Variants in LRRTM4 observed in about 807,000 individuals in gnomAD.
LRRTM4 encodes the protein leucine rich repeat transmembrane neuronal 4.
A neutral mutation model predicts 47.6 loss-of-function variants in LRRTM4; 25 were observed. That is an observed-to-expected ratio of 0.53 (90% CI 0.38 to 0.73). The LOEUF is 0.73. Among genes scored for constraint, LRRTM4 ranks in the 30% least tolerant of loss-of-function variants. LRRTM4 has a pLI of 0.00. For missense variants in LRRTM4, 638 were observed against 713.4 expected, an observed-to-expected ratio of 0.89 and a Z score of 1.20; for synonymous variants, 311 against 269.5, an observed-to-expected ratio of 1.15 and a Z score of -1.51.
chr2:76,916,163 T>C (rs1269595781), intron 3 of LRRTM4, among the ~76,000 whole-genome samples: 2 of 151,168 alleles, frequency 1.3e-5, no homozygotes, highest in East Asian at 1.9e-4. Context: ...AAGAGAGAGA[T>C]TGTAATACTT....
chr2:76,828,191 C>G (rs1344350021), intron 3 of LRRTM4, among the ~76,000 whole-genome samples: 1 of 151,856 alleles, frequency 6.6e-6, no homozygotes, highest in East Asian at 1.9e-4. Context: ...TAAGTGATTG[C>G]CTGATTGCCT....
At chr2:76,971,841 A>T (rs1373987662) in intron 3 of LRRTM4, among the ~76,000 whole-genome samples, 3 of 152,060 alleles carry the variant, frequency 2.0e-5, no homozygotes, top group Admixed American at 2.0e-4. Context: ...AAATATACGG[A>T]CAAAACATAG....
chr2:77,513,479 T>C (rs1239205609), intron 3 of LRRTM4, among the ~76,000 whole-genome samples: 2 of 152,164 alleles, frequency 1.3e-5, no homozygotes, highest in African/African-American at 4.8e-5. Flanking sequence ...AAAATGGCAA[T>C]ATGTAGTACA....
At chr2:77,428,894 T>G (rs577832938) in intron 3 of LRRTM4, among the ~76,000 whole-genome samples, 1 of 152,366 alleles carries the variant, frequency 6.6e-6, no homozygotes, top group African/African-American at 2.4e-5. Context: ...TTTAAGCACA[T>G]AGTGTGCTGC....
At chr2:76,889,077 A>C (rs1048188923) in intron 3 of LRRTM4, among the ~76,000 whole-genome samples, 1 of 151,512 alleles carries the variant, frequency 6.6e-6, no homozygotes, top group Non-Finnish European at 1.5e-5. Context: ...AAATCTTATC[A>C]AAATTGAGTT....
At chr2:77,039,839 G>A (rs1678964394) in intron 3 of LRRTM4, among the ~76,000 whole-genome samples, 1 of 150,590 alleles carries the variant, frequency 6.6e-6, no homozygotes, top group Non-Finnish European at 1.5e-5. Context: ...CACTCACAAG[G>A]GAGATTATCT....
chr2:76,831,086 T>G (rs987878284), intron 3 of LRRTM4, among the ~76,000 whole-genome samples: 2 of 152,124 alleles, frequency 1.3e-5, no homozygotes, highest in African/African-American at 4.8e-5. Flanking sequence ...TGTTTTAAGG[T>G]GATGCTGCTA....
At chr2:76,870,413 C>A (rs760761157) in intron 3 of LRRTM4, among the ~76,000 whole-genome samples, 6 of 151,990 alleles carry the variant, frequency 3.9e-5, no homozygotes, top group Non-Finnish European at 8.8e-5. Context: ...ATGCCAATTC[C>A]GCCTTGAGAG....
chr2:77,230,786 CA>C (rs1482406272), intron 3 of LRRTM4, among the ~76,000 whole-genome samples: 1 of 151,568 alleles, frequency 6.6e-6, no homozygotes, highest in Non-Finnish European at 1.5e-5. Flanking sequence ...CTGACGTAGC[CA>C]AAGAGACAGA....
rs551024616 is a variant in LRRTM4, at chr2:77,259,788, A to G, written c.1551+258530T>C. Among the ~76,000 whole-genome samples, 28 of 152,196 alleles carry G rather than the reference A, an allele frequency of 1.8e-4. No individual in the cohort carries two copies. The South Asian group carries it at 5.8e-3, about 32-fold the overall frequency. On this transcript the variant is annotated intron_variant, in intron 3 of 3. Transcript: ENST00000409884. ...AGGATATATCATATGCAAGGCCAAGAGAAAATAATTTTTACAGTGTTGATA... is the reference window on the plus strand; with the variant it reads ...AGGATATATCATATGCAAGGCCAAGGGAAAATAATTTTTACAGTGTTGATA...
chr2:76,974,896 T>A (rs1187678582), intron 3 of LRRTM4, among the ~76,000 whole-genome samples: 1 of 151,748 alleles, frequency 6.6e-6, no homozygotes, highest in Non-Finnish European at 1.5e-5. Flanking sequence ...ACAGTAATCA[T>A]CTTGGCATGT....
chr2:76,879,312 G>A (rs1672863636), intron 3 of LRRTM4, among the ~76,000 whole-genome samples: 1 of 152,074 alleles, frequency 6.6e-6, no homozygotes, highest in South Asian at 2.1e-4. Context: ...CTCTTGTTAG[G>A]GGCTAATGCA....
chr2:77,049,870 C>A (rs1023786393), intron 3 of LRRTM4, among the ~76,000 whole-genome samples: 2 of 151,948 alleles, frequency 1.3e-5, no homozygotes, highest in African/African-American at 4.8e-5. Flanking sequence ...TTTGCCCAGA[C>A]CAATGTTCTT....
At chr2:77,128,407 TAG>T (rs1309924662) in intron 3 of LRRTM4, among the ~76,000 whole-genome samples, 75 of 151,912 alleles carry the variant, frequency 4.9e-4, no homozygotes, top group Non-Finnish European at 9.0e-4. Context: ...GATAGATAGA[TAG>T]ATAGATAGAT....
At chr2:77,482,817 TC>T in intron 3 of LRRTM4, among the ~76,000 whole-genome samples, 1 of 152,030 alleles carries the variant, frequency 6.6e-6, no homozygotes, top group Non-Finnish European at 1.5e-5. Context: ...ATCTTTTAAA[TC>T]TTATCTATTA....
At chr2:77,161,818 G>A (rs539808028) in intron 3 of LRRTM4, among the ~76,000 whole-genome samples, 4 of 152,040 alleles carry the variant, frequency 2.6e-5, no homozygotes, top group Admixed American at 2.0e-4. Context: ...ATTTCACTGA[G>A]TTCCAATGCA....
At chr2:77,213,794 C>T (rs193108963) in intron 3 of LRRTM4, among the ~76,000 whole-genome samples, 1 of 152,118 alleles carries the variant, frequency 6.6e-6, no homozygotes, top group East Asian at 1.9e-4. Context: ...GACTTGGCAG[C>T]CTTGGGACGG....
chr2:77,402,605 T>C (rs1283960794), intron 3 of LRRTM4, among the ~76,000 whole-genome samples: 2 of 152,030 alleles, frequency 1.3e-5, no homozygotes, highest in Non-Finnish European at 2.9e-5. Context: ...TTTTCTTTCA[T>C]CCATTCTGGA....
At chr2:77,226,022 TA>T (rs1674794198) in intron 3 of LRRTM4, among the ~76,000 whole-genome samples, 2 of 151,768 alleles carry the variant, frequency 1.3e-5, no homozygotes, top group African/African-American at 4.8e-5. Context: ...TATTTAATAT[TA>T]AAAATATTGT....
Sources: gnomAD v4.1 joint callset for allele counts (sites outside exome capture counted in the v4.1 genomes callset) on GRCh38, gnomAD v4.1.1 for gene constraint, MANE v1.5 for transcripts, NCBI Gene and HGNC (gene_info 2026-07-23, HGNC 2026-07-21) for gene names.